Variants in ADGRL1 observed in about 807,000 individuals in gnomAD.
The protein encoded by ADGRL1 is CIRL-1.
ADGRL1 carries 31 observed loss-of-function variants against 148.9 expected under a neutral mutation model. The ratio of observed to expected loss-of-function variants is 0.21; its 90% CI spans 0.16 to 0.28. The LOEUF is 0.28. Among genes scored for constraint, ADGRL1 ranks in the 10% least tolerant of loss-of-function variants. The probability of loss-of-function intolerance (pLI) is 1.00; values close to 1 mark genes in which losing one functional copy is unlikely to be tolerated. For synonymous variants in ADGRL1, 937 were observed against 900.3 expected (o/e 1.04, Z -0.73); for missense variants, 1,521 against 2,058.8 (o/e 0.74, Z 5.05).
chr19:14,160,651 G>A lies in ADGRL1; in HGVS notation c.1556C>T (p.Pro519Leu). 1 of 1,613,234 alleles carries A rather than the reference G, an allele frequency of 6.2e-7. No homozygotes were observed. Among genetic ancestry groups the A allele is most frequent in the Non-Finnish European group, 8.5e-7 (1 of 1,179,826 alleles). Residue 519 changes from proline to leucine, a missense_variant, in exon 7 of 23, where the codon CCC (proline) becomes CTC (leucine). Around this residue, in one of 8 missense-constraint regions of ADGRL1, gnomAD observed 270 missense variants for 320.4 expected, o/e 0.84. Coordinates refer to ENST00000361434, the MANE Select transcript of ADGRL1 (RefSeq NM_014921.5). The surrounding 1 kb of genome is among the most constrained non-coding windows in gnomAD (Gnocchi z 5.9). ...GCAGTTGCTGAGGTCAGGGCCCCGG[G>A]GGTTCCAGAGCCCCAAGGCTGGTAG... Reference protein sequence around the residue: ...QCLPALGLWNPRGPDLSNCTS... With the variant: ...QCLPALGLWNLRGPDLSNCTS...
chr19:14,168,251 G>A (rs570706984), intron 4 of ADGRL1, among the ~76,000 whole-genome samples: 3 of 151,960 alleles, frequency 2.0e-5, no homozygotes, highest in South Asian at 2.1e-4. Flanking sequence ...CCTTCCCAGC[G>A]CCTCACCCAG....
At position 14,160,515 on chromosome 19, in the gene ADGRL1, C is replaced by G; in HGVS notation, c.1614+78G>C. 8.9e-7 allele frequency: 1 copy of G among 1,127,460 alleles called. No individual in the cohort carries two copies. Among genetic ancestry groups the G allele is most frequent in the South Asian group, 1.6e-5 (1 of 63,230 alleles). The allele number at this position is 1,127,460 out of a possible 1,614,324, so 69.8% of individuals were successfully genotyped here. On this transcript the variant is annotated intron_variant, in intron 7 of 22. Coordinates refer to ENST00000361434, the MANE Select transcript of ADGRL1 (RefSeq NM_014921.5). This position sits in a 1 kb window ranked among gnomAD's most constrained non-coding sequence, Gnocchi z 5.9. ...GACCTGCCAGCCCATGTCTCCCCAG[C>G]TGCTCCACGACCCCCGCTGGGCCCT...
chr19:14,194,623 G>C (rs1409723986), intron 1 of ADGRL1, among the ~76,000 whole-genome samples: 1 of 152,228 alleles, frequency 6.6e-6, no homozygotes, highest in Non-Finnish European at 1.5e-5. Flanking sequence ...CAACTGGTAA[G>C]GGGGCTTGAA....
Position 14,177,531 on chromosome 19 carries a change from C to G in ADGRL1, c.284G>C (p.Arg95Thr). The change falls in exon 3 of 23, where the codon AGG (arginine) becomes ACG (threonine). Residue 95 changes from arginine (R) to threonine (T), a missense_variant and splice_region_variant. By Grantham distance (71) the Arg-to-Thr change is moderately conservative. Transcript: ENST00000361434. The stretch of plus-strand genomic sequence containing the variant: ...GGAACTGCCACGAGAGCCCACTCAC[C>G]TCTGTGACATGATCTTGAAGGCGTC... ...LPDAFKIMSQ[R>T]CNNRTQCVVV... 2 of 1,613,982 alleles carry G rather than the reference C, an allele frequency of 1.2e-6. No individual in the cohort carries two copies. The highest frequency in any genetic ancestry group is 1.1e-5 in the South Asian group (1 of 91,072).
chr19:14,181,342 C>T (rs1327088382), intron 2 of ADGRL1, among the ~76,000 whole-genome samples: 1 of 152,230 alleles, frequency 6.6e-6, no homozygotes, highest in Non-Finnish European at 1.5e-5. Flanking sequence ...GCCCCATACT[C>T]GGCCTGCTGG....
At chr19:14,173,696 C>A (rs1404190302) in intron 3 of ADGRL1, among the ~76,000 whole-genome samples, 1 of 152,128 alleles carries the variant, frequency 6.6e-6, no homozygotes, top group Non-Finnish European at 1.5e-5. Context: ...GCTATAATCC[C>A]AGCACTTTGG....
intron 4 of ADGRL1, among the ~76,000 whole-genome samples, chr19:14,167,489 C>T (rs1970089433): frequency 6.6e-6 from 1 of 152,142 alleles, no homozygotes; most frequent in Non-Finnish European, 1.5e-5. Context: ...TCCCTTCCCA[C>T]CCTGCCTGCT....
intron 22 of ADGRL1, 53 bp from the exon 23 acceptor site, chr19:14,151,668 G>C (rs898877834): frequency 3.3e-6 from 5 of 1,512,222 alleles, no homozygotes; most frequent in Non-Finnish European, 4.4e-6. Flanking sequence ...GGATGCACTA[G>C]GGGACAGTGA....
intron 17 of ADGRL1, 78 bp downstream of exon 17, chr19:14,156,032 G>T (rs1968697966): frequency 8.9e-7 from 1 of 1,123,164 alleles, no homozygotes; most frequent in African/African-American, 1.5e-5. Context: ...CTACCTTTTA[G>T]GACACCCTGG....
At position 14,149,319 on chromosome 19, in the gene ADGRL1, G is replaced by C. The variant is rs1967917267; in HGVS notation, c.*1554C>G. Reference sequence around the variant, plus strand: ...TCCCTGCGGGAAGGTGGAGGATAGGGAAGGTGATCTCTCACCTTTGCCCCT... The same window carrying C: ...TCCCTGCGGGAAGGTGGAGGATAGGCAAGGTGATCTCTCACCTTTGCCCCT... On this transcript the variant is annotated 3_prime_UTR_variant, in exon 23 of 23. Transcript: ENST00000361434. The C allele has an allele frequency of 6.6e-6, 1 of 152,400 alleles. No individual in the cohort carries two copies. Among genetic ancestry groups the C allele is most frequent in the Admixed American group, 6.5e-5 (1 of 15,272 alleles). The allele number at this position is 152,400 out of a possible 1,614,324, so 9.4% of individuals were successfully genotyped here.
intron 4 of ADGRL1, among the ~76,000 whole-genome samples, chr19:14,167,373 G>GC (rs1169356665): frequency 6.6e-6 from 1 of 151,610 alleles, no homozygotes; most frequent in Non-Finnish European, 1.5e-5. Flanking sequence ...GTGGGAGGGG[G>GC]CACCCTTGGT....
rs565274033 is a variant in ADGRL1, at chr19:14,201,324, G to GC, written c.-96+4660_-96+4661insG. 2.4e-4 allele frequency among the ~76,000 whole-genome samples: 33 copies of GC among 137,608 alleles called. 1 individual carries two copies. Among genetic ancestry groups the GC allele is most frequent in the Non-Finnish European group, 4.6e-4 (30 of 65,154 alleles). 90.3% of individuals were successfully genotyped at this position (137,608 alleles called of 152,430 possible). On this transcript the variant is annotated intron_variant, in intron 1 of 22. Transcript: ENST00000361434. The stretch of plus-strand genomic sequence containing the variant: ...TTTGTTTTTTTTTTTTGGCGGGGTG[G>GC]GGGGGGGCAAGGTTATTTTTGGCCT...
At chr19:14,203,224 G>A (rs1051288179) in intron 1 of ADGRL1, among the ~76,000 whole-genome samples, 26 of 152,212 alleles carry the variant, frequency 1.7e-4, no homozygotes, top group Non-Finnish European at 3.1e-4. Flanking sequence ...TGGAGGAGGG[G>A]AAGTGTCTGG....
At chr19:14,200,030 G>A (rs551769413) in intron 1 of ADGRL1, among the ~76,000 whole-genome samples, 76 of 152,284 alleles carry the variant, frequency 5.0e-4, no homozygotes, top group African/African-American at 1.7e-3. Context: ...CACTGTGCCC[G>A]GCTGTTGCAA....
chr19:14,177,382 G>A (rs1000307635), intron 3 of ADGRL1, 149 bp downstream of exon 3: 13 of 722,470 alleles, frequency 1.8e-5, no homozygotes, highest in Middle Eastern at 2.8e-4. Context: ...TCTTATTCTC[G>A]TCTGCATGGG....
rs1969473409 is a variant in ADGRL1, at chr19:14,162,263, G to A, written c.1195+343C>T. On this transcript the variant is annotated intron_variant, in intron 5 of 22. Transcript: ENST00000361434. This position sits in a 1 kb window ranked among gnomAD's most constrained non-coding sequence, Gnocchi z 5.4. ...ACCCAGGATTTTGGTGGATCCAAGG[G>A]TTCCTGGAGTAAAGGTGCCCAGGCC... is the stretch of plus-strand genomic sequence containing the variant. Among the ~76,000 whole-genome samples the A allele has an allele frequency of 6.6e-6, 1 of 152,156 alleles. No individual in the cohort carries two copies. The highest frequency in any genetic ancestry group is 1.5e-5 in the Non-Finnish European group (1 of 68,030).
chr19:14,176,470 A>C lies in ADGRL1; in HGVS notation c.284+1061T>G, dbSNP rs76664125. On this transcript the variant is annotated intron_variant, in intron 3 of 22. Coordinates refer to ENST00000361434, the MANE Select transcript of ADGRL1 (RefSeq NM_014921.5). ...TGCTCAAGCATTCACCCCACACACA[A>C]TCACTCACACAGGCCTGTGCTTCTA... 8.4e-3 allele frequency among the ~76,000 whole-genome samples: 1,280 copies of C among 152,200 alleles called. 15 individuals are homozygous for C. Among genetic ancestry groups the C allele is most frequent in the African/African-American group, 0.029 (1,184 of 41,512 alleles).
In ADGRL1 at chr19:14,151,608, G is replaced by A. The variant is rs1012799046; in HGVS notation, c.3675C>T (p.Pro1225=). ...TGCCACAGGCTTCCCGGCCTCCCAAGGGGTGCTCTGCAGGGCAGAAAGGGG... is the reference window on the plus strand; with the variant it reads ...TGCCACAGGCTTCCCGGCCTCCCAAAGGGTGCTCTGCAGGGCAGAAAGGGG... ...SPGSYREPKH[P]LGGREACGMD... Residue 1225 remains proline (P), a synonymous_variant, in exon 23 of 23, where the codon CCC becomes CCT. Coordinates refer to ENST00000361434, the MANE Select transcript of ADGRL1 (RefSeq NM_014921.5). 1.9e-5 allele frequency: 30 copies of A among 1,597,382 alleles called. No individual in the cohort carries two copies. Among genetic ancestry groups the A allele is most frequent in the Non-Finnish European group, 2.2e-5 (26 of 1,176,608 alleles).
intron 4 of ADGRL1, 78 bp from the exon 5 acceptor site, chr19:14,163,484 GAGAGAGAGAGA>G: frequency 9.2e-7 from 1 of 1,083,212 alleles, no homozygotes; most frequent in Non-Finnish European, 1.3e-6. Flanking sequence ...GAGAGAGAGA[GAGAGAGAGAGA>G]GAGGGGGGAG....
Sources: gnomAD v4.1 joint callset for allele counts (sites outside exome capture counted in the v4.1 genomes callset) on GRCh38, gnomAD v4.1.1 for gene constraint, gnomAD v4.1.1 regional missense constraint, Gnocchi (gnomAD v3.1) non-coding constraint, MANE v1.5 for transcripts, NCBI Gene and HGNC (gene_info 2026-07-23, HGNC 2026-07-21) for gene names.